Variants in SLC16A12 observed in about 807,000 individuals in gnomAD.
SLC16A12 encodes solute carrier family 16 member 12.
A neutral mutation model predicts 42.4 loss-of-function variants in SLC16A12; 17 were observed. The observed-to-expected ratio is 0.40, with a 90% CI of 0.27 to 0.60. The LOEUF (loss-of-function observed/expected upper bound fraction) is 0.60, where lower values mean the gene tolerates loss of function less well. Ranked by LOEUF, SLC16A12 falls within the 20% of genes least tolerant of loss-of-function variation. The probability of loss-of-function intolerance (pLI) is 0.42; values close to 1 mark genes in which losing one functional copy is unlikely to be tolerated. For missense variants in SLC16A12, 544 were observed against 623.0 expected (o/e 0.87, Z 1.35); for synonymous variants, 224 against 229.4 (o/e 0.98, Z 0.21).
At chr10:89,461,951 G>T (rs1245857220) in intron 3 of SLC16A12, among the ~76,000 whole-genome samples, 1 of 152,160 alleles carries the variant, frequency 6.6e-6, no homozygotes, top group Non-Finnish European at 1.5e-5. Context: ...AGAGTGAAAA[G>T]AAATAGATGT....
intron 2 of SLC16A12, among the ~76,000 whole-genome samples, chr10:89,495,354 C>CA (rs1050228911): frequency 6.6e-6 from 1 of 151,936 alleles, no homozygotes; most frequent in Non-Finnish European, 1.5e-5. Flanking sequence ...CTCCGTCTCT[C>CA]AAAAAACAAA....
At chr10:89,555,473 A>G (rs1376607315) in intron 2 of SLC16A12, among the ~76,000 whole-genome samples, 5 of 148,316 alleles carry the variant, frequency 3.4e-5, no homozygotes, top group Non-Finnish European at 7.4e-5. Context: ...TAATATATAT[A>G]TGTGTATATA....
At chr10:89,475,136 A>G (rs1006375551) in intron 2 of SLC16A12, among the ~76,000 whole-genome samples, 4 of 152,220 alleles carry the variant, frequency 2.6e-5, no homozygotes, top group African/African-American at 9.6e-5. Flanking sequence ...CAAGAATTAA[A>G]TGTCTGCCTC....
rs149811804 is a variant in SLC16A12, at chr10:89,430,895, T to G, written c.*2169A>C. 53 of 343,986 alleles carry G rather than the reference T, an allele frequency of 1.5e-4. No homozygotes were observed. Among genetic ancestry groups the G allele is most frequent in the African/African-American group, 9.8e-4 (45 of 46,072 alleles). The allele number at this position is 343,986 out of a possible 1,614,324, so 21.3% of individuals were successfully genotyped here. A position where few individuals can be genotyped will look rare whatever the true frequency, so the allele number is the denominator to read the frequency against. The stretch of plus-strand genomic sequence containing the variant: ...AAGAATATTTGTAACTATTCATATT[T>G]TTAAACATCTTTAGGCTTGAAAATT... On this transcript the variant is annotated 3_prime_UTR_variant, in exon 8 of 8. Coordinates refer to ENST00000371790, the MANE Select transcript of SLC16A12 (RefSeq NM_213606.4).
chr10:89,494,625 A>C (rs1433361072), intron 2 of SLC16A12, among the ~76,000 whole-genome samples: 2 of 152,226 alleles, frequency 1.3e-5, no homozygotes, highest in African/African-American at 2.4e-5. Flanking sequence ...AAAAGATGTC[A>C]AACACATTTT....
At chr10:89,520,720 CAAAAAAAAAA>C (rs10712043) in intron 2 of SLC16A12, among the ~76,000 whole-genome samples, 1 of 100,128 alleles carries the variant, frequency 1.0e-5, no homozygotes, top group South Asian at 3.7e-4. Flanking sequence ...TCACATAGGC[CAAAAAAAAAA>C]AAAAAAAAAA....
chr10:89,488,155 C>T (rs1247264128), intron 2 of SLC16A12, among the ~76,000 whole-genome samples: 1 of 151,596 alleles, frequency 6.6e-6, no homozygotes, highest in African/African-American at 2.4e-5. Flanking sequence ...AAGGATGGGA[C>T]ACACTAGAAG....
intron 2 of SLC16A12, among the ~76,000 whole-genome samples, chr10:89,500,440 C>T (rs2133820744): frequency 6.6e-6 from 1 of 152,262 alleles, no homozygotes; most frequent in South Asian, 2.1e-4. Context: ...AGATAATCCA[C>T]CATGATCAAG....
At chr10:89,489,110 C>T (rs146553038) in intron 2 of SLC16A12, among the ~76,000 whole-genome samples, 598 of 152,228 alleles carry the variant, frequency 3.9e-3, no homozygotes, top group African/African-American at 0.011. Context: ...ATTGTTTTCA[C>T]GGCTCAATCA....
Position 89,433,009 on chromosome 10 carries a change from A to G in SLC16A12, c.*55T>C. ...ATAAAAAGTTTCAGAAACATGAAGA[A>G]TCTGGTGGCCCCACCTCTCTCAAAC... On this transcript the variant is annotated 3_prime_UTR_variant, in exon 8 of 8. Transcript: ENST00000371790. 1 of 1,600,048 alleles carries G rather than the reference A, an allele frequency of 6.2e-7. No individual in the cohort carries two copies. The highest frequency in any genetic ancestry group is 8.5e-7 in the Non-Finnish European group (1 of 1,176,798).
rs7094405 is a variant in SLC16A12, at chr10:89,441,349, T to G, written c.305-98A>C. The G allele has an allele frequency of 6.6e-3, 9,555 of 1,446,382 alleles. 476 individuals carry two copies. The African/African-American group carries it at 0.11, about 17-fold the overall frequency. 89.6% of individuals were successfully genotyped at this position (1,446,382 alleles called of 1,614,324 possible). A position where few individuals can be genotyped will look rare whatever the true frequency, so the allele number is the denominator to read the frequency against. On this transcript the variant is annotated intron_variant, in intron 4 of 7. Coordinates refer to ENST00000371790, the MANE Select transcript of SLC16A12 (RefSeq NM_213606.4). ...GACAGAGGAGAGAACCTTTAAAGCA[T>G]TGAGCCCACCCTATTAATTCTGCAG...
chr10:89,451,475 AAT>A (rs1370791284), intron 3 of SLC16A12, among the ~76,000 whole-genome samples: 2 of 151,868 alleles, frequency 1.3e-5, no homozygotes, highest in African/African-American at 4.8e-5. Context: ...GCAATGATGC[AAT>A]CTCGGGTCAC....
intron 2 of SLC16A12, among the ~76,000 whole-genome samples, chr10:89,489,182 G>A (rs747816831): frequency 7.2e-5 from 11 of 151,992 alleles, no homozygotes; most frequent in South Asian, 2.1e-4. Flanking sequence ...TGACCCCAAC[G>A]TTACTGCCCA....
intron 2 of SLC16A12, among the ~76,000 whole-genome samples, chr10:89,468,349 C>G (rs1485483373): frequency 6.6e-6 from 1 of 152,192 alleles, no homozygotes. Context: ...TAGATGCTAT[C>G]TTTCTCTCTT....
intron 2 of SLC16A12, among the ~76,000 whole-genome samples, chr10:89,483,083 C>T (rs1023996741): frequency 6.6e-6 from 1 of 151,930 alleles, no homozygotes; most frequent in Non-Finnish European, 1.5e-5. Flanking sequence ...GGACAGCTCC[C>T]TTCCTGGCTT....
rs1841704168 is a variant in SLC16A12, at chr10:89,432,162, G to A, written c.*902C>T. 1 of 152,622 alleles carries A rather than the reference G, an allele frequency of 6.6e-6. No homozygotes were observed. Among genetic ancestry groups the A allele is most frequent in the African/African-American group, 2.4e-5 (1 of 41,442 alleles). The allele number at this position is 152,622 out of a possible 1,614,324, so 9.5% of individuals were successfully genotyped here. A position where few individuals can be genotyped will look rare whatever the true frequency, so the allele number is the denominator to read the frequency against. ...GAATGCGTCTGCAGTCTAAGTAAGA[G>A]CTTCTTCTCTGAAGGTAAAAGACGG... On this transcript the variant is annotated 3_prime_UTR_variant, in exon 8 of 8. Coordinates refer to ENST00000371790, the MANE Select transcript of SLC16A12 (RefSeq NM_213606.4).
chr10:89,448,541 T>C (rs145160053), intron 3 of SLC16A12, among the ~76,000 whole-genome samples: 4,646 of 152,248 alleles, frequency 0.031, 240 homozygotes, highest in African/African-American at 0.1. Context: ...AAAAGGCCTT[T>C]GACAAAATTC....
chr10:89,491,338 A>T (rs1385851227), intron 2 of SLC16A12, among the ~76,000 whole-genome samples: 3 of 152,220 alleles, frequency 2.0e-5, no homozygotes, highest in African/African-American at 7.2e-5. Context: ...GTGTGTGCCT[A>T]GAAGGACAAG....
intron 2 of SLC16A12, among the ~76,000 whole-genome samples, chr10:89,515,506 C>T (rs1253511153): frequency 6.6e-6 from 1 of 152,214 alleles, no homozygotes; most frequent in African/African-American, 2.4e-5. Context: ...TTTTGCCTCA[C>T]TTTACAGGCA....
Sources: allele counts gnomAD v4.1 joint callset (sites outside exome capture counted in the v4.1 genomes callset), GRCh38; gene constraint gnomAD v4.1.1; transcripts MANE v1.5; gene names NCBI Gene and HGNC (gene_info 2026-07-23, HGNC 2026-07-21).